The following TMEM132C variants were observed in gnomAD, a reference collection of about 807,000 sequenced individuals.
TMEM132C encodes protein phosphatase 1, regulatory subunit 152.
A neutral mutation model predicts 61.4 loss-of-function variants in TMEM132C; 29 were observed. The ratio of observed to expected loss-of-function variants is 0.47; its 90% CI spans 0.35 to 0.64. TMEM132C has a LOEUF of 0.64. TMEM132C is among the 30% of genes least tolerant of loss of function. The probability of loss-of-function intolerance (pLI) is 0.00; values close to 1 mark genes in which losing one functional copy is unlikely to be tolerated. For missense variants in TMEM132C, 1,408 were observed against 1,476.9 expected (o/e 0.95, Z 0.76); for synonymous variants, 656 against 633.1 (o/e 1.04, Z -0.54).
intron 3 of TMEM132C, among the ~76,000 whole-genome samples, chr12:128,586,983 G>A (rs115551732): frequency 0.013 from 1,931 of 152,304 alleles, 43 homozygotes; most frequent in African/African-American, 0.044. Flanking sequence ...CTGCTCTTCC[G>A]TTTTCACTTA....
At chr12:128,561,599 G>A (rs868587872) in intron 3 of TMEM132C, among the ~76,000 whole-genome samples, 7 of 152,212 alleles carry the variant, frequency 4.6e-5, no homozygotes, top group African/African-American at 1.2e-4. Flanking sequence ...GACGATGACC[G>A]TGTGGACGTC....
At chr12:128,281,884 C>T (rs932449348) in intron 1 of TMEM132C, among the ~76,000 whole-genome samples, 1 of 152,168 alleles carries the variant, frequency 6.6e-6, no homozygotes, top group African/African-American at 2.4e-5. Context: ...ATGTCTATTT[C>T]TTATCTCTAG....
intron 3 of TMEM132C, among the ~76,000 whole-genome samples, chr12:128,605,682 G>A (rs983315907): frequency 1.3e-5 from 2 of 152,180 alleles, no homozygotes; most frequent in Non-Finnish European, 2.9e-5. Flanking sequence ...TGAGGAGAAG[G>A]AAGTGGGAGA....
intron 1 of TMEM132C, among the ~76,000 whole-genome samples, chr12:128,366,706 C>A (rs1232956595): frequency 6.6e-6 from 1 of 152,184 alleles, no homozygotes; most frequent in African/African-American, 2.4e-5. Context: ...GTTTCAGAAG[C>A]CTCATCTATG....
intron 4 of TMEM132C, among the ~76,000 whole-genome samples, chr12:128,627,492 A>G (rs1239781161): frequency 6.6e-6 from 1 of 152,048 alleles, no homozygotes; most frequent in African/African-American, 2.4e-5. Flanking sequence ...TTTTGTCTCT[A>G]TCTCATTTTA....
intron 1 of TMEM132C, among the ~76,000 whole-genome samples, chr12:128,373,543 T>C (rs2135983502): frequency 6.6e-6 from 1 of 152,312 alleles, no homozygotes; most frequent in Admixed American, 6.5e-5. Flanking sequence ...AAGGTGATGA[T>C]TGGGACCAAT....
At chr12:128,553,951 G>A (rs1245874430) in intron 3 of TMEM132C, among the ~76,000 whole-genome samples, 3 of 152,118 alleles carry the variant, frequency 2.0e-5, no homozygotes, top group Non-Finnish European at 2.9e-5. Flanking sequence ...TTGCAGCTCC[G>A]GGGGTGTCTG....
intron 2 of TMEM132C, among the ~76,000 whole-genome samples, chr12:128,471,668 A>C (rs2136080972): frequency 6.6e-6 from 1 of 152,232 alleles, no homozygotes; most frequent in African/African-American, 2.4e-5. Context: ...TACAGACTTT[A>C]ATACTTCCTG....
intron 2 of TMEM132C, among the ~76,000 whole-genome samples, chr12:128,497,639 G>T (rs985568598): frequency 6.6e-6 from 1 of 152,230 alleles, no homozygotes; most frequent in Admixed American, 6.5e-5. Context: ...CCAGGTGCGG[G>T]ATATAATCTC....
chr12:128,477,893 T>C (rs1438984129), intron 2 of TMEM132C, among the ~76,000 whole-genome samples: 3 of 152,174 alleles, frequency 2.0e-5, no homozygotes, highest in African/African-American at 7.2e-5. Flanking sequence ...GGCAGGCACC[T>C]TTTTATTATA....
At chr12:128,607,596 A>G (rs2220486) in intron 3 of TMEM132C, among the ~76,000 whole-genome samples, 103,597 of 152,022 alleles carry the variant, frequency 0.68, 35,509 homozygotes, top group South Asian at 0.73. Flanking sequence ...GGTTCGGGAT[A>G]TGTTTTCAAG....
intron 4 of TMEM132C, among the ~76,000 whole-genome samples, chr12:128,634,076 G>A (rs1954082536): frequency 6.6e-6 from 1 of 152,150 alleles, no homozygotes. Flanking sequence ...AGAATCACAT[G>A]CCTTCCTTCT....
chr12:128,336,508 G>C (rs1355332377), intron 1 of TMEM132C, among the ~76,000 whole-genome samples: 1 of 152,170 alleles, frequency 6.6e-6, no homozygotes, highest in Non-Finnish European at 1.5e-5. Context: ...CTATTCTTTT[G>C]AAAGGTTGAG....
chr12:128,634,485 T>G (rs1420025949), intron 4 of TMEM132C, among the ~76,000 whole-genome samples: 1 of 152,280 alleles, frequency 6.6e-6, no homozygotes, highest in African/African-American at 2.4e-5. Flanking sequence ...GCGTGCTGCT[T>G]CTTCGTAATT....
intron 3 of TMEM132C, among the ~76,000 whole-genome samples, chr12:128,569,698 A>T (rs1248699756): frequency 2.0e-5 from 3 of 152,202 alleles, no homozygotes; most frequent in African/African-American, 7.2e-5. Context: ...GTAAATCAAG[A>T]CAGTCAGCAA....
intron 3 of TMEM132C, among the ~76,000 whole-genome samples, chr12:128,611,607 G>T (rs543530736): frequency 1.3e-5 from 2 of 152,274 alleles, no homozygotes; most frequent in East Asian, 3.9e-4. Context: ...TCCACCTCAG[G>T]TCACAGCAAA....
intron 1 of TMEM132C, among the ~76,000 whole-genome samples, chr12:128,286,803 G>T (rs1002199430): frequency 7.0e-4 from 107 of 152,266 alleles, no homozygotes; most frequent in African/African-American, 2.5e-3. Context: ...TCCCTTCCCA[G>T]AAGAAGGGAC....
At position 128,278,764 on chromosome 12, in the gene TMEM132C, G is replaced by A. The variant is rs911734776; in HGVS notation, c.85+11277G>A. ...TCTATACGTGTATGTGTGTGTGTGT[G>A]TGTGTGTGTGTGTGTGTGTGTGTTT... On this transcript the variant is annotated intron_variant, in intron 1 of 8. Coordinates refer to ENST00000435159, the MANE Select transcript of TMEM132C (RefSeq NM_001136103.3). The surrounding 1 kb of genome is among the most constrained non-coding windows in gnomAD (Gnocchi z 4.2). Among the ~76,000 whole-genome samples, 11 of 151,808 alleles carry A rather than the reference G, an allele frequency of 7.2e-5. No individual in the cohort carries two copies. Among genetic ancestry groups the A allele is most frequent in the Non-Finnish European group, 1.3e-4 (9 of 67,898 alleles).
intron 1 of TMEM132C, among the ~76,000 whole-genome samples, chr12:128,317,521 T>C (rs1254796019): frequency 6.6e-6 from 1 of 152,214 alleles, no homozygotes; most frequent in African/African-American, 2.4e-5. Flanking sequence ...CTACATTTCT[T>C]TTCTGTTTCC....
Sources: gnomAD v4.1 joint callset for allele counts (sites outside exome capture counted in the v4.1 genomes callset) on GRCh38, gnomAD v4.1.1 for gene constraint, Gnocchi (gnomAD v3.1) non-coding constraint, MANE v1.5 for transcripts, NCBI Gene and HGNC (gene_info 2026-07-23, HGNC 2026-07-21) for gene names.